The following DTL variants were observed in gnomAD, a reference collection of about 807,000 sequenced individuals.
DTL encodes denticleless E3 ubiquitin protein ligase adapter.
In DTL, 46 loss-of-function variants were observed where a neutral mutation model predicts 87.0. That is an observed-to-expected ratio of 0.53 (90% CI 0.42 to 0.68). DTL has a LOEUF of 0.68. DTL is among the 30% of genes least tolerant of loss of function. The pLI, the probability that DTL is intolerant of heterozygous loss-of-function variation, is 0.00. For synonymous variants in DTL, 308 were observed against 311.2 expected, an observed-to-expected ratio of 0.99 and a Z score of 0.11; for missense variants, 737 against 869.4, an observed-to-expected ratio of 0.85 and a Z score of 1.91.
At chr1:212,081,720 GTGGGGCTATA>G (rs1301172880) in intron 13 of DTL, among the ~76,000 whole-genome samples, 1 of 152,212 alleles carries the variant, frequency 6.6e-6, no homozygotes, top group Non-Finnish European at 1.5e-5. Context: ...GGGATCAGAT[GTGGGGCTATA>G]TGGGAGAGTT....
intron 12 of DTL, 41 bp downstream of exon 12, chr1:212,078,303 C>T (rs1281434452): frequency 5.7e-6 from 7 of 1,232,418 alleles, no homozygotes; most frequent in African/African-American, 1.5e-5. Context: ...AAATGTAGAT[C>T]ACAGGTTTGT....
chr1:212,036,037 C>G (rs968002402), intron 1 of DTL, 95 bp downstream of exon 1: 11 of 1,247,212 alleles, frequency 8.8e-6, no homozygotes, highest in Middle Eastern at 1.9e-4. Flanking sequence ...CAATTCTGAA[C>G]TCAGCTTCTG....
chr1:212,038,104 T>G (rs887765772), intron 1 of DTL, among the ~76,000 whole-genome samples: 2 of 152,178 alleles, frequency 1.3e-5, no homozygotes, highest in African/African-American at 2.4e-5. Context: ...ACTGGGACCA[T>G]GTAGACACAC....
intron 5 of DTL, among the ~76,000 whole-genome samples, chr1:212,056,129 T>C (rs4394721): frequency 0.31 from 46,950 of 152,028 alleles, 8,870 homozygotes; most frequent in Middle Eastern, 0.43. Context: ...CTCAAGAATT[T>C]GCCCACCCAC....
chr1:212,044,367 G>A (rs1465413110), intron 2 of DTL, among the ~76,000 whole-genome samples: 1 of 152,196 alleles, frequency 6.6e-6, no homozygotes, highest in South Asian at 2.1e-4. Context: ...CACTTTGGGA[G>A]GCTGAGGTGG....
intron 13 of DTL, among the ~76,000 whole-genome samples, chr1:212,090,489 A>G (rs112054733): frequency 0.072 from 10,903 of 152,300 alleles, 658 homozygotes; most frequent in African/African-American, 0.16. Flanking sequence ...GAATAAATAA[A>G]TACCCTTGTT....
At position 212,068,325 on chromosome 1, in the gene DTL, T is replaced by G. The variant is rs1452746600; in HGVS notation, c.815T>G (p.Leu272Arg). The change falls in exon 9 of 15, where the codon CTT (leucine) becomes CGT (arginine). Residue 272 changes from leucine (L) to arginine (R), a missense_variant and splice_region_variant. Physicochemically the swap from Leu to Arg is moderately radical, Grantham distance 102. Coordinates refer to ENST00000366991, the MANE Select transcript of DTL (RefSeq NM_016448.4). ...TACCCAGGTAGCAGCACTCGAAAAC[T>G]TGGTAAGCCTTTAATAGGTCTTTTG... ...FLYPGSSTRK[L>R]GYSSLILDST... 1.3e-6 allele frequency: 2 copies of G among 1,598,936 alleles called. No homozygotes were observed. The highest frequency in any genetic ancestry group is 3.5e-5 in the Admixed American group (2 of 56,788).
chr1:212,067,948 C>G (rs1654557816), intron 8 of DTL, among the ~76,000 whole-genome samples: 1 of 152,172 alleles, frequency 6.6e-6, no homozygotes, highest in Non-Finnish European at 1.5e-5. Context: ...ACTATCGGCA[C>G]TCAACCTTCA....
intron 3 of DTL, among the ~76,000 whole-genome samples, chr1:212,045,297 G>T (rs906265365): frequency 6.6e-6 from 1 of 152,190 alleles, no homozygotes; most frequent in Admixed American, 6.5e-5. Flanking sequence ...GACCAGATTA[G>T]ATGTGAATGG....
At chr1:212,087,229 C>T (rs1044608822) in intron 13 of DTL, among the ~76,000 whole-genome samples, 1 of 152,134 alleles carries the variant, frequency 6.6e-6, no homozygotes, top group African/African-American at 2.4e-5. Flanking sequence ...TGCTCAGAAC[C>T]ACTCTGCAGC....
chr1:212,058,196 C>T lies in DTL; in HGVS notation c.461-4688C>T, dbSNP rs573523932. On this transcript the variant is annotated intron_variant, in intron 5 of 14. Coordinates refer to ENST00000366991, the MANE Select transcript of DTL (RefSeq NM_016448.4). ...AATTGGATTTAAACTGCACATTAGA[C>T]CAAATGGACCTAAGAGATATTTACA... 5.9e-5 allele frequency among the ~76,000 whole-genome samples: 9 copies of T among 152,224 alleles called. No homozygotes were observed. The East Asian group carries it at 1.7e-3, about 29-fold the overall frequency.
chr1:212,087,482 G>A (rs1039366540), intron 13 of DTL, among the ~76,000 whole-genome samples: 48 of 151,688 alleles, frequency 3.2e-4, no homozygotes, highest in African/African-American at 1.0e-3. Flanking sequence ...CCCGGGAGGC[G>A]GAGCTTGCAG....
chr1:212,050,483 T>G (rs911048518), intron 5 of DTL, among the ~76,000 whole-genome samples: 1 of 152,230 alleles, frequency 6.6e-6, no homozygotes, highest in Non-Finnish European at 1.5e-5. Context: ...TTTCCTCTCC[T>G]ACAAACTTAC....
Position 212,048,902 on chromosome 1 carries a change from T to TTTTGTTTG in DTL, c.460+1513_460+1520dup, listed in dbSNP as rs142929243. On this transcript the variant is annotated intron_variant, in intron 5 of 14. Coordinates refer to ENST00000366991, the MANE Select transcript of DTL (RefSeq NM_016448.4). ...GAGGTTAAGCTGGTTTGGACTGGTT[T>TTTTGTTTG]TTTGTTTGTTTGTTTGTTTGTTTGT... is the stretch of plus-strand genomic sequence containing the variant. Among the ~76,000 whole-genome samples the TTTTGTTTG allele has an allele frequency of 4.3e-3, 652 of 150,532 alleles. 5 individuals carry two copies. Among genetic ancestry groups the TTTTGTTTG allele is most frequent in the African/African-American group, 0.013 (550 of 40,892 alleles).
Position 212,068,225 on chromosome 1 carries a change from A to C in DTL, c.715A>C (p.Ile239Leu). Residue 239 changes from isoleucine to leucine, a missense_variant and splice_region_variant, in exon 9 of 15, where the codon ATA becomes CTA. Transcript: ENST00000366991. ...TLVSAGAVDG[I>L]IKVWDLRKNY... ...ATATTTATTTGCCTTGGTTTTTAGG[A>C]TAATCAAAGTATGGGATTTACGTAA... The C allele has an allele frequency of 6.3e-7, 1 of 1,594,908 alleles. No individual in the cohort carries two copies. Among genetic ancestry groups the C allele is most frequent in the Non-Finnish European group, 8.5e-7 (1 of 1,172,270 alleles).
At chr1:212,097,795 C>T (rs1480243965) in intron 13 of DTL, among the ~76,000 whole-genome samples, 2 of 151,986 alleles carry the variant, frequency 1.3e-5, no homozygotes, top group Non-Finnish European at 2.9e-5. Context: ...GTTATAGAAC[C>T]TTGTTTTGTC....
chr1:212,066,860 T>C lies in DTL; in HGVS notation c.688T>C (p.Leu230=). Residue 230 remains leucine, a synonymous_variant, in exon 8 of 15, where the codon TTA becomes CTA. Transcript: ENST00000366991. ...GGTCCTCTTTCAAGACGAGAATACC[T>C]TAGTCTCAGCAGGAGCTGTGGATGG... The part of the protein sequence containing the change: ...TVVLFQDENT[L]VSAGAVDGII... 6.2e-7 allele frequency: 1 copy of C among 1,613,922 alleles called. No individual in the cohort carries two copies. Among genetic ancestry groups the C allele is most frequent in the Non-Finnish European group, 8.5e-7 (1 of 1,179,826 alleles).
rs1199833183 is a variant in DTL at position 212,101,090 on chromosome 1, T to C, written c.2094+6T>C. ...GAAAGAAATTGCCAAGCCCGGTAAG[T>C]CAGCAGTGGTGGGAAGATACATTTC... On this transcript the variant is annotated splice_donor_region_variant and intron_variant, in intron 14 of 14. Transcript: ENST00000366991. The C allele has an allele frequency of 8.2e-6, 13 of 1,588,384 alleles. No homozygotes were observed. The highest frequency in any genetic ancestry group is 7.7e-6 in the Non-Finnish European group (9 of 1,166,972).
intron 13 of DTL, among the ~76,000 whole-genome samples, chr1:212,088,088 C>T (rs1655182362): frequency 1.3e-5 from 2 of 152,072 alleles, no homozygotes; most frequent in South Asian, 4.1e-4. Context: ...TCCGTGTATC[C>T]CCAGTGATTG....
Sources: allele counts gnomAD v4.1 joint callset (sites outside exome capture counted in the v4.1 genomes callset), GRCh38; gene constraint gnomAD v4.1.1; transcripts MANE v1.5; gene names NCBI Gene and HGNC (gene_info 2026-07-23, HGNC 2026-07-21).